ANO7: variants seen among roughly 807,000 people sequenced by gnomAD.
ANO7 encodes the protein anoctamin-7.
ANO7 carries 114 observed loss-of-function variants against 115.8 expected under a neutral mutation model. That is an observed-to-expected ratio of 0.98 (90% CI 0.85 to 1.15). The LOEUF (loss-of-function observed/expected upper bound fraction) is 1.15. Ranked by LOEUF, ANO7 falls within the 50% of genes most tolerant of loss-of-function variation. The probability of loss-of-function intolerance (pLI) is 0.00; values close to 1 mark genes in which losing one functional copy is unlikely to be tolerated. For missense variants in ANO7, 1,302 were observed against 1,201.2 expected, an observed-to-expected ratio of 1.08 and a Z score of -1.24; for synonymous variants, 550 against 498.2, an observed-to-expected ratio of 1.10 and a Z score of -1.38.
Position 241,203,334 on chromosome 2 carries a change from G to C in ANO7, c.725G>C (p.Gly242Ala), listed in dbSNP as rs768092701. 2.6e-6 allele frequency: 4 copies of C among 1,535,776 alleles called. No individual in the cohort carries two copies. The Admixed American group carries it at 8.2e-5, about 32-fold the overall frequency. ...VLSAAFPLHDGPFKTPPEGPQ... is the reference protein window; with the variant it reads ...VLSAAFPLHDAPFKTPPEGPQ... ...CACCCACAGGCCGCTCGCCCCCAGG[G>C]CCCCTTCAAGACGCCCCCAGAGGGC... The change falls in exon 9 of 25, where the codon GGC (glycine) becomes GCC (alanine). Residue 242 changes from glycine to alanine, a missense_variant and splice_region_variant. Physicochemically the swap from Gly to Ala is moderately conservative, Grantham distance 60. Coordinates refer to ENST00000674324, the MANE Select transcript of ANO7 (RefSeq NM_001370694.2). This position sits in a 1 kb window ranked among gnomAD's most constrained non-coding sequence, Gnocchi z 4.8.
the ANO7 span, chr2:241,240,001 G>A: frequency 6.2e-7 from 1 of 1,614,224 alleles, no homozygotes; most frequent in Non-Finnish European, 8.5e-7. The surrounding 1 kb of genome is among the most constrained non-coding windows in gnomAD (Gnocchi z 5.5). Flanking sequence ...CTCAGCCGCA[G>A]GGAAGATGAC....
At chr2:241,201,394 C>G in intron 7 of ANO7, 39 bp downstream of exon 7, 2 of 1,598,650 alleles carry the variant, frequency 1.3e-6, no homozygotes, top group Non-Finnish European at 1.7e-6. Flanking sequence ...CAAACCCTGA[C>G]CTGGCTCTGA....
chr2:241,237,581 C>A, the ANO7 span, among the ~76,000 whole-genome samples: 1 of 152,104 alleles, frequency 6.6e-6, no homozygotes, highest in Admixed American at 6.5e-5. Flanking sequence ...AATTTGAATA[C>A]CGACAACATA....
the ANO7 span, chr2:241,239,815 A>G: frequency 6.2e-7 from 1 of 1,613,730 alleles, no homozygotes; most frequent in Non-Finnish European, 8.5e-7. The surrounding 1 kb of genome is among the most constrained non-coding windows in gnomAD (Gnocchi z 4.6). Flanking sequence ...CTTCCACCAC[A>G]TTATCCTGCA....
Position 241,225,853 on chromosome 2 carries a change from CTT to C in ANO7, c.*1702_*1703del, listed in dbSNP as rs2069154575. On this transcript the variant is annotated 3_prime_UTR_variant, in exon 25 of 25. Coordinates refer to ENST00000674324, the MANE Select transcript of ANO7 (RefSeq NM_001370694.2). ...CGGCCCGGGGCGGGAACCTTGGAAA[CTT>C]TACACAGATGGGGAGCTCAGCCATT... Among the ~76,000 whole-genome samples the C allele has an allele frequency of 6.6e-6, 1 of 152,244 alleles. No individual in the cohort carries two copies. Among genetic ancestry groups the C allele is most frequent in the South Asian group, 2.1e-4 (1 of 4,838 alleles).
chr2:241,213,965 T>A (rs192949227), intron 17 of ANO7, among the ~76,000 whole-genome samples: 39 of 152,306 alleles, frequency 2.6e-4, no homozygotes, highest in African/African-American at 7.9e-4. Context: ...GTGGGAAAAG[T>A]TCCCAACTCA....
rs1363361434 is a variant in ANO7 at position 241,209,616 on chromosome 2, C to T, written c.1340C>T (p.Ser447Phe). The T allele has an allele frequency of 6.4e-7, 1 of 1,574,226 alleles. No individual in the cohort carries two copies. The change falls in exon 13 of 25, where the codon TCT (serine) becomes TTT (phenylalanine). Residue 447 changes from serine (S) to phenylalanine (F), a missense_variant. Transcript: ENST00000674324. ...RSRARRMLAGSVVIVVMVAVV... is the reference protein window; with the variant it reads ...RSRARRMLAGFVVIVVMVAVV... ...CGCGCGCGCCGCATGCTGGCCGGCT[C>T]TGTGGTGATCGTGGTGATGGTATGC...
At chr2:241,199,477 C>G in intron 5 of ANO7, 54 bp downstream of exon 5, 1 of 1,560,372 alleles carries the variant, frequency 6.4e-7, no homozygotes, top group Non-Finnish European at 8.8e-7. Context: ...TCCCCACACA[C>G]TGCGTTCAGC....
intron 3 of ANO7, among the ~76,000 whole-genome samples, chr2:241,192,223 G>T (rs561764311): frequency 6.6e-6 from 1 of 152,338 alleles, no homozygotes; most frequent in East Asian, 1.9e-4. Flanking sequence ...TACTCGGGAG[G>T]CTGAGGCAGG....
downstream of ANO7, chr2:241,229,190 T>A: frequency 5.4e-6 from 1 of 185,738 alleles, no homozygotes; most frequent in Non-Finnish European, 1.1e-5. Flanking sequence ...AGGAGGGAGG[T>A]GGGAAAGGAA....
At chr2:241,237,165 G>A in the ANO7 span, among the ~76,000 whole-genome samples, 1 of 152,226 alleles carries the variant, frequency 6.6e-6, no homozygotes, top group African/African-American at 2.4e-5. Flanking sequence ...TGACTGTGAG[G>A]CAGGGCTCAT....
At position 241,199,344 on chromosome 2, in the gene ANO7, T is replaced by C; in HGVS notation, c.338T>C (p.Val113Ala). 6.2e-7 allele frequency: 1 copy of C among 1,613,648 alleles called. No homozygotes were observed. Among genetic ancestry groups the C allele is most frequent in the Non-Finnish European group, 8.5e-7 (1 of 1,179,988 alleles). The change falls in exon 5 of 25, where the codon GTG becomes GCG. Residue 113 changes from valine to alanine, a missense_variant. Coordinates refer to ENST00000674324, the MANE Select transcript of ANO7 (RefSeq NM_001370694.2). ...GACGTCCAGGACGGGAACACCACAG[T>C]GCACTACGCCCTCCTCAGCGCCTCC... ...QQDVQDGNTTVHYALLSASWA... is the reference protein window; with the variant it reads ...QQDVQDGNTTAHYALLSASWA...
rs138248670 is a variant in ANO7 at position 241,199,321 on chromosome 2, C to T, written c.315C>T (p.Asp105=). ...GGAGCCCTGGGTGCCTACAGCAGGA[C>T]GTCCAGGACGGGAACACCACAGTGC... ...RAAGLCVDQQ[D]VQDGNTTVHY... The change falls in exon 5 of 25, where the codon GAC becomes GAT. Residue 105 remains aspartate (D), a synonymous_variant. Coordinates refer to ENST00000674324, the MANE Select transcript of ANO7 (RefSeq NM_001370694.2). 47 of 1,613,524 alleles carry T rather than the reference C, an allele frequency of 2.9e-5. No individual in the cohort carries two copies. Among genetic ancestry groups the T allele is most frequent in the Non-Finnish European group, 3.9e-5 (46 of 1,179,972 alleles).
Position 241,216,140 on chromosome 2 carries a change from G to A in ANO7, c.1874G>A (p.Arg625Lys), listed in dbSNP as rs201912677. 1 of 1,613,296 alleles carries A rather than the reference G, an allele frequency of 6.2e-7. No individual in the cohort carries two copies. Among genetic ancestry groups the A allele is most frequent in the East Asian group, 2.2e-5 (1 of 44,880 alleles). Residue 625 changes from arginine (R) to lysine (K), a missense_variant, in exon 19 of 25, where the codon AGG becomes AAG. Transcript: ENST00000674324. ...WQKFRLRSKKRKAGASAGASQ... is the reference protein window; with the variant it reads ...WQKFRLRSKKKKAGASAGASQ... ...AAGTTCCGGCTTCGCTCCAAGAAGA[G>A]GAAGGCGGGAGCTTCTGCAGGGGCT...
chr2:241,202,097 C>T, intron 7 of ANO7, 97 bp from the exon 8 acceptor site: 1 of 981,232 alleles, frequency 1.0e-6, no homozygotes, highest in Non-Finnish European at 1.6e-6. Flanking sequence ...CTGAGGGAGG[C>T]CGTCCATGGC....
intron 21 of ANO7, among the ~76,000 whole-genome samples, chr2:241,219,473 G>GT (rs1052145606): frequency 4.0e-5 from 6 of 151,280 alleles, no homozygotes; most frequent in African/African-American, 9.7e-5. Context: ...TGTTCTGGTT[G>GT]TTTTTTTTAT....
At chr2:241,217,648 C>A in intron 19 of ANO7, 38 bp from the exon 20 acceptor site, 1 of 1,543,800 alleles carries the variant, frequency 6.5e-7, no homozygotes, top group Non-Finnish European at 8.7e-7. Flanking sequence ...TGAGGGCGGA[C>A]GGTGGCGGAG....
chr2:241,235,290 C>A, the ANO7 span: 1 of 1,613,844 alleles, frequency 6.2e-7, no homozygotes, highest in Non-Finnish European at 8.5e-7. Flanking sequence ...ACGTTCAGGA[C>A]CCCAGAGAAC....
In ANO7 at chr2:241,224,465, C is replaced by T. The variant is rs923813922; in HGVS notation, c.*312C>T. ...GGTGGCCTCCCCAGGCCCCTGGACA[C>T]GACAGTTCTCCTCAGGCAGGTGGGC... On this transcript the variant is annotated 3_prime_UTR_variant, in exon 25 of 25. Coordinates refer to ENST00000674324, the MANE Select transcript of ANO7 (RefSeq NM_001370694.2). 1.1e-4 allele frequency: 43 copies of T among 402,314 alleles called. No individual in the cohort carries two copies. Among genetic ancestry groups the T allele is most frequent in the East Asian group, 1.9e-4 (4 of 21,166 alleles). The allele number at this position is 402,314 out of a possible 1,614,324, so 24.9% of individuals were successfully genotyped here.
Sources: gnomAD v4.1 joint callset for allele counts (sites outside exome capture counted in the v4.1 genomes callset) on GRCh38, gnomAD v4.1.1 for gene constraint, Gnocchi (gnomAD v3.1) non-coding constraint, MANE v1.5 for transcripts, NCBI Gene and HGNC (gene_info 2026-07-23, HGNC 2026-07-21) for gene names.